The following DLG2 variants were observed in gnomAD, a reference collection of about 807,000 sequenced individuals.
The protein encoded by DLG2 is disks large homolog 2.
A neutral mutation model predicts 132.5 loss-of-function variants in DLG2; 45 were observed. The ratio of observed to expected loss-of-function variants is 0.34; its 90% confidence interval spans 0.27 to 0.44. The LOEUF (loss-of-function observed/expected upper bound fraction) is 0.44, where lower values mean the gene tolerates loss of function less well. Ranked by LOEUF, DLG2 falls within the 20% of genes least tolerant of loss-of-function variation. DLG2 has a pLI of 1.00. For missense variants in DLG2, 1,045 were observed against 1,196.9 expected, an observed-to-expected ratio of 0.87 and a Z score of 1.87; for synonymous variants, 424 against 419.6, an observed-to-expected ratio of 1.01 and a Z score of -0.13.
intron 11 of DLG2, among the ~76,000 whole-genome samples, chr11:84,041,060 T>C (rs926941776): frequency 6.6e-6 from 1 of 151,690 alleles, no homozygotes; most frequent in African/African-American, 2.4e-5. Context: ...GTGATTTTTG[T>C]ACATTGATTT....
chr11:83,803,563 A>C (rs1679457845), intron 17 of DLG2, among the ~76,000 whole-genome samples: 2 of 152,146 alleles, frequency 1.3e-5, no homozygotes, highest in South Asian at 4.1e-4. Flanking sequence ...TCTGGGTCAA[A>C]GTTATTAACT....
chr11:84,057,044 G>A (rs2096514449), intron 11 of DLG2, among the ~76,000 whole-genome samples: 2 of 152,080 alleles, frequency 1.3e-5, no homozygotes, highest in South Asian at 4.2e-4. Flanking sequence ...ACTTTAACTG[G>A]GTTATTGCCT....
intron 7 of DLG2, among the ~76,000 whole-genome samples, chr11:84,330,892 G>C (rs1416211287): frequency 6.6e-6 from 1 of 152,118 alleles, no homozygotes; most frequent in Non-Finnish European, 1.5e-5. Flanking sequence ...CAAAAGTTGA[G>C]GTGCATTTAG....
At chr11:85,412,742 CACACACACACACACACACATATATATAT>C in intron 3 of DLG2, among the ~76,000 whole-genome samples, 1 of 130,632 alleles carries the variant, frequency 7.7e-6, no homozygotes, top group Non-Finnish European at 1.6e-5. Flanking sequence ...CACACACACA[CACACACACACACACACACATATATATAT>C]ATATATATAT....
chr11:85,243,389 C>G (rs944153444), intron 4 of DLG2, among the ~76,000 whole-genome samples: 1 of 151,988 alleles, frequency 6.6e-6, no homozygotes, highest in African/African-American at 2.4e-5. Context: ...CATATAGCAT[C>G]TGGCATGTAG....
intron 3 of DLG2, among the ~76,000 whole-genome samples, chr11:85,546,911 A>T (rs1273665130): frequency 7.2e-6 from 1 of 138,526 alleles, no homozygotes; most frequent in Non-Finnish European, 1.5e-5. Flanking sequence ...TGCATGTGAG[A>T]TGGGTTTGCT....
chr11:85,496,698 G>A (rs2093675898), intron 3 of DLG2, among the ~76,000 whole-genome samples: 1 of 152,062 alleles, frequency 6.6e-6, no homozygotes, highest in Non-Finnish European at 1.5e-5. Context: ...ACACGCTCGT[G>A]CCCCTCTCAG....
chr11:84,350,182 C>T (rs7105698), intron 7 of DLG2, among the ~76,000 whole-genome samples: 11 of 142,420 alleles, frequency 7.7e-5, no homozygotes, highest in East Asian at 2.1e-4. Flanking sequence ...CGTCCCCCCC[C>T]CCAAAAAAAA....
At chr11:85,546,122 G>T (rs771451279) in intron 3 of DLG2, among the ~76,000 whole-genome samples, 10 of 152,192 alleles carry the variant, frequency 6.6e-5, no homozygotes, top group South Asian at 4.2e-4. Context: ...TCTCTTGTGG[G>T]CATTTAGTGC....
At chr11:84,412,430 C>G (rs945783188) in intron 7 of DLG2, among the ~76,000 whole-genome samples, 1 of 152,074 alleles carries the variant, frequency 6.6e-6, no homozygotes, top group Non-Finnish European at 1.5e-5. Flanking sequence ...GAGGAGTGTG[C>G]GAACCCAAGT....
intron 3 of DLG2, among the ~76,000 whole-genome samples, chr11:85,577,440 C>G (rs1452451821): frequency 6.6e-6 from 1 of 151,966 alleles, no homozygotes; most frequent in African/African-American, 2.4e-5. Context: ...TGTGAGTAAA[C>G]TGGATAAATG....
chr11:84,744,227 T>G (rs900301512), intron 6 of DLG2, among the ~76,000 whole-genome samples: 7 of 152,202 alleles, frequency 4.6e-5, no homozygotes, highest in African/African-American at 1.7e-4. Context: ...ATATATTGAA[T>G]AATGAGAAAA....
intron 4 of DLG2, among the ~76,000 whole-genome samples, chr11:85,279,896 A>C (rs1203545304): frequency 1.3e-5 from 2 of 152,108 alleles, no homozygotes; most frequent in Admixed American, 6.6e-5. Flanking sequence ...AATTTTAAGT[A>C]ACAGTAATAG....
chr11:85,170,450 T>A (rs1056082282), intron 4 of DLG2, among the ~76,000 whole-genome samples: 5 of 152,110 alleles, frequency 3.3e-5, no homozygotes, highest in Admixed American at 2.0e-4. Flanking sequence ...GGGAGAGTAA[T>A]TCTGCTTTCT....
chr11:83,499,734 G>C (rs1042336779), intron 21 of DLG2, among the ~76,000 whole-genome samples: 2 of 145,806 alleles, frequency 1.4e-5, no homozygotes, highest in African/African-American at 5.0e-5. Flanking sequence ...TGCCTATTGG[G>C]GTATCTTGTG....
chr11:84,895,135 A>G (rs2090012333), intron 6 of DLG2, among the ~76,000 whole-genome samples: 2 of 152,212 alleles, frequency 1.3e-5, no homozygotes, highest in Non-Finnish European at 2.9e-5. Context: ...CAACTTATTT[A>G]CATGATTTGC....
chr11:84,229,810 T>G (rs1339970992), intron 8 of DLG2, among the ~76,000 whole-genome samples: 3 of 152,198 alleles, frequency 2.0e-5, no homozygotes, highest in Admixed American at 1.3e-4. Flanking sequence ...AAGATCAATA[T>G]CTAACTATAA....
chr11:84,214,270 TAC>T (rs2096803478), intron 8 of DLG2, among the ~76,000 whole-genome samples: 1 of 146,496 alleles, frequency 6.8e-6, no homozygotes, highest in Non-Finnish European at 1.5e-5. Flanking sequence ...TGAATATATA[TAC>T]ACATATATGA....
At chr11:84,164,886 T>C (rs572798575) in intron 8 of DLG2, among the ~76,000 whole-genome samples, 120 of 152,324 alleles carry the variant, frequency 7.9e-4, no homozygotes, top group Non-Finnish European at 1.3e-3. Flanking sequence ...AAACTAAATT[T>C]GATTTTCTAG....
Sources: gnomAD v4.1 joint callset for allele counts (sites outside exome capture counted in the v4.1 genomes callset) on GRCh38, gnomAD v4.1.1 for gene constraint, MANE v1.5 for transcripts, NCBI Gene and HGNC (gene_info 2026-07-23, HGNC 2026-07-21) for gene names.